The following FAM117A variants were observed in gnomAD, a reference collection of about 807,000 sequenced individuals.
FAM117A encodes family with sequence similarity 117 member A, also known as protein FAM117A.
FAM117A carries 21 observed loss-of-function variants against 44.1 expected under a neutral mutation model. That is an observed-to-expected ratio of 0.48 (90% CI 0.34 to 0.69). The LOEUF is 0.69. Among genes scored for constraint, FAM117A ranks in the 30% least tolerant of loss-of-function variants. The probability of loss-of-function intolerance (pLI) is 0.01; values close to 1 mark genes in which losing one functional copy is unlikely to be tolerated. For missense variants in FAM117A, 498 were observed against 589.9 expected (o/e 0.84, Z 1.61); for synonymous variants, 220 against 238.3 (o/e 0.92, Z 0.71).
chr17:49,784,322 C>T (rs1189158344), intron 1 of FAM117A, among the ~76,000 whole-genome samples: 1 of 152,200 alleles, frequency 6.6e-6, no homozygotes, highest in African/African-American at 2.4e-5. Flanking sequence ...GCTATTTCAG[C>T]AGCCTTCTAA....
intron 3 of FAM117A, among the ~76,000 whole-genome samples, chr17:49,721,041 T>C (rs2073531875): frequency 6.6e-6 from 1 of 152,144 alleles, no homozygotes; most frequent in African/African-American, 2.4e-5. Flanking sequence ...CAATGGAAGA[T>C]GATGTTTCTG....
chr17:49,770,665 AG>A (rs1446934951), intron 1 of FAM117A, among the ~76,000 whole-genome samples: 1 of 152,142 alleles, frequency 6.6e-6, no homozygotes, highest in Non-Finnish European at 1.5e-5. Flanking sequence ...CCACTTTGGG[AG>A]GCCAAGGTGG....
chr17:49,760,789 A>G lies in FAM117A; in HGVS notation c.196+3103T>C, dbSNP rs2073719761. Among the ~76,000 whole-genome samples, 3 of 152,254 alleles carry G rather than the reference A, an allele frequency of 2.0e-5. No individual in the cohort carries two copies. The South Asian group carries it at 6.2e-4, about 32-fold the overall frequency. ...TCCTTCATCATGGTCCTGGAAGAGT[A>G]TAAAAGTCAGCGGCCTCTAACTGAC... On this transcript the variant is annotated intron_variant, in intron 1 of 7. Transcript: ENST00000240364.
At chr17:49,747,135 A>G (rs1205762257) in intron 1 of FAM117A, 1 of 150,748 alleles carries the variant, frequency 6.6e-6, no homozygotes, top group Non-Finnish European at 1.5e-5. Context: ...GGGCAAGATA[A>G]GTAGAAAAAA....
At chr17:49,782,029 T>C (rs960315950) in intron 1 of FAM117A, among the ~76,000 whole-genome samples, 5 of 151,922 alleles carry the variant, frequency 3.3e-5, no homozygotes, top group Admixed American at 1.3e-4. Context: ...TGTTAAAATA[T>C]GCACATAAAA....
intron 1 of FAM117A, among the ~76,000 whole-genome samples, chr17:49,788,179 C>T (rs903980752): frequency 2.0e-5 from 3 of 152,184 alleles, no homozygotes; most frequent in Non-Finnish European, 2.9e-5. Context: ...GGACGCTATC[C>T]GTTAGTTCCT....
At position 49,764,043 on chromosome 17, in the gene FAM117A, C is replaced by T. The variant is rs957735301; in HGVS notation, c.45G>A (p.Gly15=). ...GCCCCCCGGCCCCTCCGCGCCCCGGCCCCCAGGCACCTCCGCCTCTGCCGC... is the reference window on the plus strand; with the variant it reads ...GCCCCCCGGCCCCTCCGCGCCCCGGTCCCCAGGCACCTCCGCCTCTGCCGC... ...AAGGRGGGAW[G]PGRGGAGGLR... is the part of the protein sequence containing the mutation. The change falls in exon 1 of 8, where the codon GGG becomes GGA. Residue 15 remains glycine, a synonymous_variant. Coordinates refer to ENST00000240364, the MANE Select transcript of FAM117A (RefSeq NM_030802.4). 7 of 1,212,544 alleles carry T rather than the reference C, an allele frequency of 5.8e-6. No individual in the cohort carries two copies. The highest frequency in any genetic ancestry group is 7.2e-6 in the Non-Finnish European group (7 of 972,110). The allele number at this position is 1,212,544 out of a possible 1,614,324, so 75.1% of individuals were successfully genotyped here.
intron 1 of FAM117A, among the ~76,000 whole-genome samples, chr17:49,776,953 A>C (rs1290252053): frequency 6.6e-6 from 1 of 152,212 alleles, no homozygotes; most frequent in East Asian, 1.9e-4. Flanking sequence ...AAAGAGAAAA[A>C]GACTCACTCC....
At chr17:49,769,990 G>T (rs2073756213) in intron 1 of FAM117A, among the ~76,000 whole-genome samples, 1 of 151,842 alleles carries the variant, frequency 6.6e-6, no homozygotes, top group Non-Finnish European at 1.5e-5. Flanking sequence ...AAGAATTTAG[G>T]ACCAGGCATG....
intron 1 of FAM117A, among the ~76,000 whole-genome samples, chr17:49,770,488 G>A (rs1461015119): frequency 6.6e-6 from 1 of 152,142 alleles, no homozygotes; most frequent in African/African-American, 2.4e-5. Flanking sequence ...TGATTGCCTA[G>A]GACTGGAGGT....
chr17:49,769,157 T>C (rs1164499065), intron 1 of FAM117A, among the ~76,000 whole-genome samples: 1 of 151,870 alleles, frequency 6.6e-6, no homozygotes, highest in Non-Finnish European at 1.5e-5. Flanking sequence ...TAGCTGGCCA[T>C]GGTGGCACGC....
chr17:49,766,867 G>A (rs1454677273), upstream of FAM117A, among the ~76,000 whole-genome samples: 5 of 152,192 alleles, frequency 3.3e-5, no homozygotes, highest in African/African-American at 1.2e-4. Context: ...TCAGAGAGAG[G>A]AGTAATGTGC....
chr17:49,722,978 T>C (rs1041092684), intron 2 of FAM117A, among the ~76,000 whole-genome samples: 1 of 152,126 alleles, frequency 6.6e-6, no homozygotes, highest in Non-Finnish European at 1.5e-5. Context: ...CTTTATTCTC[T>C]CGCCCTCTAC....
intron 3 of FAM117A, among the ~76,000 whole-genome samples, chr17:49,721,091 G>A (rs749238778): frequency 2.0e-5 from 3 of 152,178 alleles, no homozygotes; most frequent in Admixed American, 6.6e-5. Flanking sequence ...AACGATCTTA[G>A]AGGCCCTGAG....
intron 1 of FAM117A, among the ~76,000 whole-genome samples, chr17:49,781,371 G>A (rs1489057493): frequency 6.6e-6 from 1 of 152,190 alleles, no homozygotes; most frequent in Non-Finnish European, 1.5e-5. Flanking sequence ...TTAAAAAGTG[G>A]TAACACTTAG....
intron 1 of FAM117A, among the ~76,000 whole-genome samples, chr17:49,749,166 C>G (rs1276428191): frequency 6.6e-6 from 1 of 152,162 alleles, no homozygotes; most frequent in Non-Finnish European, 1.5e-5. Context: ...TAGGCGTATA[C>G]CTGGCATCAC....
chr17:49,740,169 C>A (rs2143750175), intron 1 of FAM117A, among the ~76,000 whole-genome samples: 1 of 152,096 alleles, frequency 6.6e-6, no homozygotes, highest in South Asian at 2.1e-4. Flanking sequence ...AGAAGGCACA[C>A]AAACGGCAGA....
chr17:49,772,700 C>A (rs536293737), intron 1 of FAM117A, among the ~76,000 whole-genome samples: 13 of 150,962 alleles, frequency 8.6e-5, no homozygotes, highest in African/African-American at 2.9e-4. Flanking sequence ...TGCAGTGAGC[C>A]GAGATCATGC....
At chr17:49,733,150 T>G (rs1475926836) in intron 1 of FAM117A, among the ~76,000 whole-genome samples, 1 of 152,186 alleles carries the variant, frequency 6.6e-6, no homozygotes, top group Non-Finnish European at 1.5e-5. Context: ...CTCCAGCACC[T>G]TTGCAGGGCT....
Sources: allele counts gnomAD v4.1 joint callset (sites outside exome capture counted in the v4.1 genomes callset), GRCh38; gene constraint gnomAD v4.1.1; transcripts MANE v1.5; gene names NCBI Gene and HGNC (gene_info 2026-07-23, HGNC 2026-07-21).